The following PTPRK variants were observed in gnomAD, a reference collection of about 807,000 sequenced individuals.
PTPRK encodes receptor-type tyrosine-protein phosphatase kappa.
PTPRK carries 75 observed loss-of-function variants against 178.0 expected under a neutral mutation model. That is an observed-to-expected ratio of 0.42 (90% CI 0.35 to 0.51). PTPRK has a LOEUF of 0.51. Ranked by LOEUF, PTPRK falls within the 20% of genes least tolerant of loss-of-function variation. The pLI is 0.02. For synonymous variants in PTPRK, 637 were observed against 620.6 expected, an observed-to-expected ratio of 1.03 and a Z score of -0.39; for missense variants, 1,441 against 1,797.8, an observed-to-expected ratio of 0.80 and a Z score of 3.59.
At chr6:128,192,215 A>C (rs1803926669) in intron 6 of PTPRK, among the ~76,000 whole-genome samples, 1 of 152,196 alleles carries the variant, frequency 6.6e-6, no homozygotes, top group African/African-American at 2.4e-5. Flanking sequence ...CAAGTTATAA[A>C]GATTATTAGT....
At chr6:128,433,669 T>C (rs1164735819) in intron 1 of PTPRK, among the ~76,000 whole-genome samples, 3 of 151,750 alleles carry the variant, frequency 2.0e-5, no homozygotes, top group African/African-American at 7.3e-5. Flanking sequence ...GTGCACACCA[T>C]CACACCAGGT....
intron 1 of PTPRK, among the ~76,000 whole-genome samples, chr6:128,489,859 C>A (rs2128428494): frequency 6.6e-6 from 1 of 152,248 alleles, no homozygotes; most frequent in African/African-American, 2.4e-5. Context: ...GCAGTATAAT[C>A]CATTCTGCAT....
intron 13 of PTPRK, among the ~76,000 whole-genome samples, chr6:128,046,603 A>T (rs1041282624): frequency 2.0e-5 from 3 of 152,216 alleles, no homozygotes; most frequent in Admixed American, 2.0e-4. Context: ...AACGTGCAGC[A>T]GACTAAAAAT....
At chr6:128,338,330 G>A (rs1831212406) in intron 2 of PTPRK, among the ~76,000 whole-genome samples, 1 of 152,042 alleles carries the variant, frequency 6.6e-6, no homozygotes, top group Non-Finnish European at 1.5e-5. Context: ...CAGCAAAATT[G>A]GTGATGCATA....
At position 128,127,451 on chromosome 6, in the gene PTPRK, T is replaced by TG. The variant is rs1793561962; in HGVS notation, c.1163-37460dup. 1.3e-5 allele frequency among the ~76,000 whole-genome samples: 2 copies of TG among 152,216 alleles called. 1 individual carries two copies. Among genetic ancestry groups the TG allele is most frequent in the South Asian group, 4.1e-4 (2 of 4,834 alleles). ...CAGAATATCTCTTCTTCATTTATTGTGTTTTTATTTCTTTCATCAGTGTTT... is the reference window on the plus strand; with the variant it reads ...CAGAATATCTCTTCTTCATTTATTGTGGTTTTTATTTCTTTCATCAGTGTTT... On this transcript the variant is annotated intron_variant, in intron 7 of 29. Coordinates refer to ENST00000368226, the MANE Select transcript of PTPRK (RefSeq NM_002844.4).
chr6:128,430,036 C>T (rs973790533), intron 1 of PTPRK, among the ~76,000 whole-genome samples: 14 of 151,868 alleles, frequency 9.2e-5, no homozygotes, highest in African/African-American at 3.1e-4. Flanking sequence ...GAAAAGGTTC[C>T]CTGTGGGAAT....
rs1013226255 is a variant in PTPRK, at chr6:128,520,436, C to A, written c.-78G>T. On this transcript the variant is annotated 5_prime_UTR_variant, in exon 1 of 30. Coordinates refer to ENST00000368226, the MANE Select transcript of PTPRK (RefSeq NM_002844.4). Reference sequence around the variant, plus strand: ...CGCCGCGAAATCCACGACGGAGGAGCGGGCCGGGCCTCGCGGGGTGAGGAC... The same window carrying A: ...CGCCGCGAAATCCACGACGGAGGAGAGGGCCGGGCCTCGCGGGGTGAGGAC... 7.0e-5 allele frequency: 98 copies of A among 1,398,696 alleles called. No individual in the cohort carries two copies. The highest frequency in any genetic ancestry group is 9.3e-5 in the Non-Finnish European group (94 of 1,010,768). 86.6% of individuals were successfully genotyped at this position (1,398,696 alleles called of 1,614,324 possible). A position where few individuals can be genotyped will look rare whatever the true frequency, so the allele number is the denominator to read the frequency against.
At chr6:128,111,103 C>A (rs533774301) in intron 7 of PTPRK, among the ~76,000 whole-genome samples, 75 of 152,224 alleles carry the variant, frequency 4.9e-4, no homozygotes, top group South Asian at 1.9e-3. Flanking sequence ...GATGTCCTAT[C>A]GGTAGGCATA....
intron 1 of PTPRK, among the ~76,000 whole-genome samples, chr6:128,446,476 T>C (rs866408386): frequency 1.3e-5 from 2 of 152,360 alleles, no homozygotes; most frequent in Admixed American, 6.5e-5. Flanking sequence ...TGTAGAATAA[T>C]TGATACGGCA....
chr6:128,441,802 T>G (rs986359104), intron 1 of PTPRK, among the ~76,000 whole-genome samples: 1 of 152,202 alleles, frequency 6.6e-6, no homozygotes, highest in Non-Finnish European at 1.5e-5. Context: ...TTGGTCACTA[T>G]TGCAGTAATA....
intron 25 of PTPRK, among the ~76,000 whole-genome samples, chr6:127,977,363 C>T (rs938392916): frequency 6.6e-6 from 1 of 152,116 alleles, no homozygotes; most frequent in African/African-American, 2.4e-5. Context: ...AACTAAAAAG[C>T]TTCTGAGGTT....
At chr6:128,476,656 C>T (rs1851411570) in intron 1 of PTPRK, among the ~76,000 whole-genome samples, 1 of 152,014 alleles carries the variant, frequency 6.6e-6, no homozygotes, top group Non-Finnish European at 1.5e-5. Context: ...TATTTCAACA[C>T]TCTTTTTACT....
intron 27 of PTPRK, among the ~76,000 whole-genome samples, chr6:127,974,912 A>G (rs1421224321): frequency 1.3e-5 from 2 of 152,228 alleles, no homozygotes; most frequent in African/African-American, 4.8e-5. Flanking sequence ...AAACCTTGAA[A>G]TAAAAATATC....
At chr6:128,273,226 G>T (rs1220949243) in intron 3 of PTPRK, among the ~76,000 whole-genome samples, 2 of 151,946 alleles carry the variant, frequency 1.3e-5, no homozygotes, top group Admixed American at 1.3e-4. Context: ...GGGGGAGTGG[G>T]GAGGGATAGC....
chr6:128,055,089 T>A (rs1779674395), intron 13 of PTPRK, among the ~76,000 whole-genome samples: 1 of 152,316 alleles, frequency 6.6e-6, no homozygotes, highest in Admixed American at 6.5e-5. Context: ...TCTCTTTCCA[T>A]ATATTTGAAA....
At chr6:128,255,321 A>T (rs1817106349) in intron 3 of PTPRK, among the ~76,000 whole-genome samples, 1 of 152,156 alleles carries the variant, frequency 6.6e-6, no homozygotes, top group African/African-American at 2.4e-5. Context: ...ATGGAGAGAG[A>T]TAAACTCATC....
At chr6:128,508,952 A>C (rs1260689884) in intron 1 of PTPRK, among the ~76,000 whole-genome samples, 1 of 151,176 alleles carries the variant, frequency 6.6e-6, no homozygotes, top group African/African-American at 2.5e-5. Flanking sequence ...CATCTCAAAA[A>C]AAAAAAAGAA....
chr6:128,217,077 G>T (rs17055452), intron 6 of PTPRK, among the ~76,000 whole-genome samples: 2,473 of 152,222 alleles, frequency 0.016, 32 homozygotes, highest in African/African-American at 0.038. Flanking sequence ...CGTTCCTGTA[G>T]CCATAGCATA....
chr6:128,247,431 T>G (rs1056124524), intron 3 of PTPRK, among the ~76,000 whole-genome samples: 2 of 152,162 alleles, frequency 1.3e-5, no homozygotes, highest in Admixed American at 6.5e-5. Flanking sequence ...ACAATTCTCG[T>G]GCTTCAGCCT....
Sources: allele counts gnomAD v4.1 joint callset (sites outside exome capture counted in the v4.1 genomes callset), GRCh38; gene constraint gnomAD v4.1.1; transcripts MANE v1.5; gene names NCBI Gene and HGNC (gene_info 2026-07-23, HGNC 2026-07-21).